The following APBB1IP variants were observed in gnomAD, a reference collection of about 807,000 sequenced individuals.
APBB1IP encodes amyloid beta A4 precursor protein-binding family B member 1-interacting protein.
A neutral mutation model predicts 64.9 loss-of-function variants in APBB1IP; 27 were observed. The ratio of observed to expected loss-of-function variants is 0.42; its 90% CI spans 0.31 to 0.57. The LOEUF (loss-of-function observed/expected upper bound fraction) is 0.57, where lower values mean the gene tolerates loss of function less well. Among genes scored for constraint, APBB1IP ranks in the 20% least tolerant of loss-of-function variants. APBB1IP has a pLI of 0.20. For missense variants in APBB1IP, 812 were observed against 845.5 expected (o/e 0.96, Z 0.49); for synonymous variants, 392 against 331.0 (o/e 1.18, Z -2.00).
intron 8 of APBB1IP, among the ~76,000 whole-genome samples, chr10:26,527,978 C>T (rs866602406): frequency 7.9e-5 from 12 of 152,068 alleles, no homozygotes; most frequent in South Asian, 2.1e-4. Context: ...AAACATGAGC[C>T]GCTGCGCCTG....
chr10:26,541,695 A>G lies in APBB1IP; in HGVS notation c.1155+3A>G. ...CTGACTATTGCTTTGTTTTAAAGGT[A>G]TGTTATAAGAAGTCATTCATTTAGA... is the stretch of plus-strand genomic sequence containing the variant. On this transcript the variant is annotated splice_donor_region_variant and intron_variant, in intron 11 of 14. Transcript: ENST00000376236. 6.4e-7 allele frequency: 1 copy of G among 1,567,772 alleles called. No individual in the cohort carries two copies. The highest frequency in any genetic ancestry group is 8.7e-7 in the Non-Finnish European group (1 of 1,151,762).
intron 2 of APBB1IP, among the ~76,000 whole-genome samples, chr10:26,465,659 G>A (rs1835639983): frequency 6.6e-6 from 1 of 151,856 alleles, no homozygotes; most frequent in African/African-American, 2.4e-5. Flanking sequence ...TCATTTTTAG[G>A]TGACTAAAGA....
At chr10:26,462,712 G>A (rs1201260272) in intron 2 of APBB1IP, among the ~76,000 whole-genome samples, 1 of 152,022 alleles carries the variant, frequency 6.6e-6, no homozygotes, top group East Asian at 1.9e-4. Flanking sequence ...TTTTTTAGTG[G>A]CAACTCATTC....
At chr10:26,462,514 T>C (rs189388567) in intron 2 of APBB1IP, among the ~76,000 whole-genome samples, 1 of 152,330 alleles carries the variant, frequency 6.6e-6, no homozygotes, top group East Asian at 1.9e-4. Flanking sequence ...TAGTATCTCA[T>C]TTAATATTTT....
intron 2 of APBB1IP, among the ~76,000 whole-genome samples, chr10:26,491,926 T>C (rs1231245892): frequency 6.6e-6 from 1 of 151,996 alleles, no homozygotes; most frequent in Non-Finnish European, 1.5e-5. Flanking sequence ...CACACCCAGG[T>C]AATTTTTGTA....
intron 2 of APBB1IP, among the ~76,000 whole-genome samples, chr10:26,471,076 C>A (rs965642816): frequency 2.0e-5 from 3 of 152,128 alleles, no homozygotes; most frequent in African/African-American, 7.2e-5. Flanking sequence ...TATCATCACA[C>A]CTTTTCTAAA....
intron 3 of APBB1IP, among the ~76,000 whole-genome samples, chr10:26,495,062 C>T: frequency 6.7e-6 from 1 of 150,054 alleles, no homozygotes; most frequent in Non-Finnish European, 1.5e-5. Context: ...GGCTGGAGTG[C>T]AGTGGCAAGA....
chr10:26,496,847 C>T (rs987446805), intron 4 of APBB1IP, among the ~76,000 whole-genome samples: 19 of 151,120 alleles, frequency 1.3e-4, no homozygotes, highest in Non-Finnish European at 2.5e-4. Flanking sequence ...ATTTAGTCTA[C>T]TTGACATTTT....
Position 26,562,471 on chromosome 10 carries a change from A to G in APBB1IP, c.1473+42A>G, listed in dbSNP as rs375423001. The G allele has an allele frequency of 1.5e-5, 22 of 1,514,252 alleles. No homozygotes were observed. In the African/African-American group the frequency reaches 2.9e-4, roughly 20 times the overall value. The allele number at this position is 1,514,252 out of a possible 1,614,324, so 93.8% of individuals were successfully genotyped here. ...GCTGACCCCTATAAGCCATGTTCTA[A>G]ACCATTCACATTATTCCAGTAACTG... On this transcript the variant is annotated intron_variant, in intron 14 of 14. Transcript: ENST00000376236.
intron 2 of APBB1IP, among the ~76,000 whole-genome samples, chr10:26,491,647 C>A (rs913951692): frequency 3.9e-5 from 6 of 152,098 alleles, no homozygotes; most frequent in Admixed American, 3.3e-4. Context: ...GGTTTGTCCA[C>A]CAGTACTTCT....
chr10:26,566,661 G>A (rs1200855928), intron 14 of APBB1IP, among the ~76,000 whole-genome samples: 9 of 152,144 alleles, frequency 5.9e-5, no homozygotes, highest in Admixed American at 3.9e-4. Flanking sequence ...AGGAGTCTCA[G>A]TGACTGAGGG....
intron 4 of APBB1IP, 142 bp from the exon 5 acceptor site, chr10:26,500,677 A>T (rs1836085650): frequency 2.4e-6 from 2 of 822,832 alleles, no homozygotes; most frequent in Admixed American, 2.9e-5. Context: ...TATTGAATTA[A>T]AATATTCTCA....
intron 2 of APBB1IP, among the ~76,000 whole-genome samples, chr10:26,491,744 T>C (rs563934606): frequency 6.7e-6 from 1 of 148,898 alleles, no homozygotes; most frequent in Non-Finnish European, 1.5e-5. Flanking sequence ...ACTCCTCACA[T>C]CATTTTTGTG....
intron 2 of APBB1IP, among the ~76,000 whole-genome samples, chr10:26,484,234 C>A (rs1300583145): frequency 6.6e-6 from 1 of 152,070 alleles, no homozygotes; most frequent in Non-Finnish European, 1.5e-5. Context: ...ACTTGATAAT[C>A]ACAAGAAGAG....
chr10:26,448,262 C>T (rs1426596549), intron 2 of APBB1IP, among the ~76,000 whole-genome samples: 2 of 151,970 alleles, frequency 1.3e-5, no homozygotes, highest in Non-Finnish European at 2.9e-5. Context: ...AGGCTGGTCT[C>T]ACATTTCTGG....
intron 11 of APBB1IP, among the ~76,000 whole-genome samples, chr10:26,550,041 T>A (rs1043054621): frequency 2.0e-5 from 3 of 151,534 alleles, no homozygotes; most frequent in Admixed American, 2.0e-4. Context: ...TTTTTTAATC[T>A]TTTTTTTAAT....
chr10:26,497,415 G>C (rs1223632885), intron 4 of APBB1IP, among the ~76,000 whole-genome samples: 6 of 151,992 alleles, frequency 3.9e-5, no homozygotes, highest in Non-Finnish European at 4.4e-5. Flanking sequence ...GCCCGGTGTG[G>C]TGGCAGGTGC....
intron 3 of APBB1IP, among the ~76,000 whole-genome samples, chr10:26,492,997 C>G (rs1049617745): frequency 2.6e-5 from 4 of 152,196 alleles, no homozygotes. Context: ...CTGCATAAGG[C>G]AGACACCCCC....
At chr10:26,504,157 G>C (rs1272657447) in intron 6 of APBB1IP, among the ~76,000 whole-genome samples, 1 of 152,166 alleles carries the variant, frequency 6.6e-6, no homozygotes, top group Non-Finnish European at 1.5e-5. Context: ...CCTATGCCCT[G>C]GGGCAGCCGT....
Sources: gnomAD v4.1 joint callset for allele counts (sites outside exome capture counted in the v4.1 genomes callset) on GRCh38, gnomAD v4.1.1 for gene constraint, MANE v1.5 for transcripts, NCBI Gene and HGNC (gene_info 2026-07-23, HGNC 2026-07-21) for gene names.